KATNAL1: variants seen among roughly 807,000 people sequenced by gnomAD.
KATNAL1 encodes katanin catalytic subunit A1 like 1, also known as katanin p60 ATPase-containing subunit A-like 1.
KATNAL1 carries 32 observed loss-of-function variants against 55.2 expected under a neutral mutation model. The observed-to-expected ratio is 0.58, with a 90% CI of 0.44 to 0.78. The LOEUF (loss-of-function observed/expected upper bound fraction) is 0.78. KATNAL1 is among the 30% of genes least tolerant of loss of function. The probability of loss-of-function intolerance (pLI) is 0.00; values close to 1 mark genes in which losing one functional copy is unlikely to be tolerated. For missense variants in KATNAL1, 466 were observed against 600.9 expected (o/e 0.78, Z 2.35); for synonymous variants, 193 against 193.6 (o/e 1.00, Z 0.02).
At chr13:30,231,192 G>A (rs1047190829) in intron 7 of KATNAL1, 122 bp downstream of exon 7, 19 of 672,118 alleles carry the variant, frequency 2.8e-5, no homozygotes, top group South Asian at 1.0e-4. Context: ...AGTGTGTCAA[G>A]AACTATTAAA....
chr13:30,230,182 A>G (rs73163469), intron 8 of KATNAL1, among the ~76,000 whole-genome samples: 15,179 of 152,190 alleles, frequency 0.1, 1,017 homozygotes, highest in African/African-American at 0.19. Flanking sequence ...AGGGTCTCAA[A>G]GATCCCTAGG....
In KATNAL1 at chr13:30,286,759, C is replaced by T. The variant is rs111260137; in HGVS notation, c.-14-2968G>A. Among the ~76,000 whole-genome samples, 632 of 152,332 alleles carry T rather than the reference C, an allele frequency of 4.1e-3. 7 individuals carry two copies. Among genetic ancestry groups the T allele is most frequent in the African/African-American group, 0.015 (607 of 41,578 alleles). ...TATGCATCTGGAAAAGCCACAGACACTCAAGGTCAGCTGTGAAAGCAGCCA... is the reference window on the plus strand; with the variant it reads ...TATGCATCTGGAAAAGCCACAGACATTCAAGGTCAGCTGTGAAAGCAGCCA... On this transcript the variant is annotated intron_variant, in intron 1 of 10. Transcript: ENST00000380615.
At chr13:30,302,795 GTAT>G (rs1417245025) in intron 1 of KATNAL1, among the ~76,000 whole-genome samples, 1 of 152,176 alleles carries the variant, frequency 6.6e-6, no homozygotes, top group African/African-American at 2.4e-5. Context: ...CATGTATCAT[GTAT>G]CATTTGGTGC....
intron 1 of KATNAL1, among the ~76,000 whole-genome samples, chr13:30,285,626 G>C (rs951476708): frequency 2.3e-4 from 35 of 152,188 alleles, no homozygotes; most frequent in African/African-American, 7.5e-4. Flanking sequence ...GACTAATACA[G>C]TAGACTAGTA....
At chr13:30,296,987 A>C (rs1454257217) in intron 1 of KATNAL1, among the ~76,000 whole-genome samples, 3 of 151,790 alleles carry the variant, frequency 2.0e-5, no homozygotes, top group Admixed American at 2.0e-4. Context: ...AGTATTAGGG[A>C]CAAGAAAAAA....
At chr13:30,229,104 G>GT (rs942096244) in intron 8 of KATNAL1, among the ~76,000 whole-genome samples, 1 of 152,084 alleles carries the variant, frequency 6.6e-6, no homozygotes, top group Non-Finnish European at 1.5e-5. Context: ...TGTTTTGCTT[G>GT]AACGGCCTCT....
chr13:30,261,646 C>G (rs1341828881), intron 3 of KATNAL1, among the ~76,000 whole-genome samples: 1 of 152,162 alleles, frequency 6.6e-6, no homozygotes, highest in African/African-American at 2.4e-5. Flanking sequence ...GTAAAGGGAT[C>G]AATTCAACAA....
chr13:30,227,421 G>A lies in KATNAL1; in HGVS notation c.1138C>T (p.Leu380Phe), dbSNP rs750176968. 10 of 1,613,402 alleles carry A rather than the reference G, an allele frequency of 6.2e-6. No homozygotes were observed. In the South Asian group the frequency reaches 7.7e-5, roughly 12 times the overall value. ...RRLEKRIYIP[L>F]PTAKGRAELL... ...AGAGAAGACATCATACCTGTTGGGA[G>A]AGGTATATATATCCTTTTTTCTAAC... Residue 380 changes from leucine to phenylalanine, a missense_variant, in exon 9 of 11, where the codon CTC becomes TTC. Transcript: ENST00000380615.
intron 5 of KATNAL1, 36 bp downstream of exon 5, chr13:30,240,923 C>T (rs776019062): frequency 6.3e-7 from 1 of 1,587,066 alleles, no homozygotes; most frequent in Non-Finnish European, 8.6e-7. Flanking sequence ...TTTGTGTTCT[C>T]CTCTACTTTA....
intron 9 of KATNAL1, among the ~76,000 whole-genome samples, chr13:30,217,541 C>A (rs1874415473): frequency 6.6e-6 from 1 of 152,120 alleles, no homozygotes; most frequent in Non-Finnish European, 1.5e-5. Context: ...AACAAACTGC[C>A]AATCCTGTAT....
At chr13:30,262,017 T>C (rs1322691309) in intron 3 of KATNAL1, among the ~76,000 whole-genome samples, 2 of 152,064 alleles carry the variant, frequency 1.3e-5, no homozygotes. Flanking sequence ...TAACAAACTA[T>C]CTCTCAGACC....
intron 3 of KATNAL1, among the ~76,000 whole-genome samples, chr13:30,259,543 G>A (rs1197226584): frequency 3.9e-5 from 6 of 152,338 alleles, no homozygotes; most frequent in Non-Finnish European, 8.8e-5. Context: ...AGCAGGGCAA[G>A]GCATTGCCTC....
intron 3 of KATNAL1, among the ~76,000 whole-genome samples, chr13:30,263,128 A>T (rs981343561): frequency 1.3e-5 from 2 of 152,198 alleles, no homozygotes; most frequent in Non-Finnish European, 2.9e-5. Context: ...CCACATGATT[A>T]TCTCAATAGA....
chr13:30,304,184 T>C (rs1314756694), intron 1 of KATNAL1, among the ~76,000 whole-genome samples: 3 of 152,176 alleles, frequency 2.0e-5, no homozygotes, highest in Admixed American at 6.5e-5. Flanking sequence ...TCCTTTGTTA[T>C]GCTCTCTCCC....
chr13:30,264,453 G>A (rs1313519755), intron 3 of KATNAL1, among the ~76,000 whole-genome samples: 3 of 146,412 alleles, frequency 2.0e-5, no homozygotes, highest in Non-Finnish European at 4.5e-5. Context: ...TACAAAATGG[G>A]AGAAAATTTT....
chr13:30,213,725 C>G (rs373028269), intron 9 of KATNAL1, among the ~76,000 whole-genome samples: 2,140 of 152,106 alleles, frequency 0.014, 36 homozygotes, highest in African/African-American at 0.038. Context: ...ATTCAACAAC[C>G]CTTCATGCTA....
intron 3 of KATNAL1, among the ~76,000 whole-genome samples, chr13:30,267,636 T>C (rs1023193952): frequency 6.6e-6 from 1 of 152,194 alleles, no homozygotes; most frequent in Non-Finnish European, 1.5e-5. Flanking sequence ...AAAAATAATA[T>C]GCAGTGACAA....
At chr13:30,248,830 C>T (rs1016392499) in intron 4 of KATNAL1, among the ~76,000 whole-genome samples, 11 of 152,108 alleles carry the variant, frequency 7.2e-5, no homozygotes, top group Admixed American at 2.6e-4. Context: ...GAGGCCGAGA[C>T]GGGTGGATCA....
intron 3 of KATNAL1, among the ~76,000 whole-genome samples, chr13:30,271,222 C>T (rs535265693): frequency 5.3e-4 from 80 of 152,292 alleles, no homozygotes; most frequent in African/African-American, 1.9e-3. Flanking sequence ...TCATACTGAT[C>T]CCCAACTTAT....
Sources: gnomAD v4.1 joint callset for allele counts (sites outside exome capture counted in the v4.1 genomes callset) on GRCh38, gnomAD v4.1.1 for gene constraint, MANE v1.5 for transcripts, NCBI Gene and HGNC (gene_info 2026-07-23, HGNC 2026-07-21) for gene names.